Variants in AIG1 observed in about 807,000 individuals in gnomAD.
The protein encoded by AIG1 is androgen induced 1.
Under a neutral mutation model 31.4 loss-of-function variants are expected in AIG1, and 23 were observed. The observed-to-expected ratio is 0.73, with a 90% CI of 0.53 to 1.04. The LOEUF (loss-of-function observed/expected upper bound fraction) is 1.04. Ranked by LOEUF, AIG1 falls within the 50% of genes least tolerant of loss-of-function variation. AIG1 has a pLI of 0.00. For synonymous variants in AIG1, 100 were observed against 110.5 expected, an observed-to-expected ratio of 0.90 and a Z score of 0.60; for missense variants, 274 against 295.0, an observed-to-expected ratio of 0.93 and a Z score of 0.52.
At chr6:143,189,897 A>G (rs1789629683) in intron 3 of AIG1, 11 of 863,146 alleles carry the variant, frequency 1.3e-5, no homozygotes, top group South Asian at 5.3e-5. Flanking sequence ...TTTATTTATC[A>G]TAGTTCTAGA....
intron 2 of AIG1, among the ~76,000 whole-genome samples, chr6:143,154,772 G>A (rs1785565656): frequency 6.6e-6 from 1 of 151,882 alleles, no homozygotes; most frequent in South Asian, 2.1e-4. Flanking sequence ...AGGATACACA[G>A]GAACACTGTG....
At chr6:143,174,470 G>A (rs1239905473) in intron 3 of AIG1, among the ~76,000 whole-genome samples, 8 of 133,176 alleles carry the variant, frequency 6.0e-5, no homozygotes, top group Admixed American at 1.6e-4. Context: ...CTGGGTGACA[G>A]AGTGAGACTC....
Position 143,334,518 on chromosome 6 carries a change from C to T in AIG1, c.679+1073C>T, listed in dbSNP as rs1169704547. 6.6e-6 allele frequency among the ~76,000 whole-genome samples: 1 copy of T among 152,198 alleles called. No individual in the cohort carries two copies. Among genetic ancestry groups the T allele is most frequent in the African/African-American group, 2.4e-5 (1 of 41,460 alleles). On this transcript the variant is annotated intron_variant, in intron 5 of 5. Transcript: ENST00000357847. The surrounding 1 kb of genome is among the most constrained non-coding windows in gnomAD (Gnocchi z 5.1). ...AGAGGAATTTGAGGGTTTCTTTTCTCATCAGCTTTTGATTTTAATCAATGT... is the reference window on the plus strand; with the variant it reads ...AGAGGAATTTGAGGGTTTCTTTTCTTATCAGCTTTTGATTTTAATCAATGT...
chr6:143,340,347 G>C lies in AIG1; in HGVS notation c.*671G>C, dbSNP rs1777806674. Reference sequence around the variant, plus strand: ...GCATCTCAAAATCCTAACAGCATTAGTATCTCCTTTTCATTTTTATTACCT... The same window carrying C: ...GCATCTCAAAATCCTAACAGCATTACTATCTCCTTTTCATTTTTATTACCT... On this transcript the variant is annotated 3_prime_UTR_variant, in exon 6 of 6. Coordinates refer to ENST00000357847, the MANE Select transcript of AIG1 (RefSeq NM_016108.4). The C allele has an allele frequency of 1.3e-5, 2 of 152,174 alleles. No individual in the cohort carries two copies. The highest frequency in any genetic ancestry group is 6.5e-5 in the Admixed American group (1 of 15,274). 9.4% of individuals were successfully genotyped at this position (152,174 alleles called of 1,614,324 possible). A position where few individuals can be genotyped will look rare whatever the true frequency, so the allele number is the denominator to read the frequency against.
intron 3 of AIG1, among the ~76,000 whole-genome samples, chr6:143,263,139 C>G (rs9403474): frequency 0.01 from 1,564 of 152,258 alleles, 43 homozygotes; most frequent in East Asian, 0.064. Context: ...TGTCTTTGGC[C>G]TTTCCCCAGT....
chr6:143,324,382 G>A (rs1016368636), intron 4 of AIG1, among the ~76,000 whole-genome samples: 3 of 152,186 alleles, frequency 2.0e-5, no homozygotes, highest in African/African-American at 2.4e-5. Flanking sequence ...TCTATAATGA[G>A]CATGAATTAC....
chr6:143,144,513 G>A (rs1784555106), intron 2 of AIG1, among the ~76,000 whole-genome samples: 1 of 152,196 alleles, frequency 6.6e-6, no homozygotes, highest in African/African-American at 2.4e-5. Flanking sequence ...GGGAGGTCCT[G>A]AAAGACTTCT....
intron 5 of AIG1, chr6:143,337,929 C>A: frequency 2.5e-6 from 1 of 398,696 alleles, no homozygotes; most frequent in South Asian, 1.3e-4. Context: ...ATCTCTGGTT[C>A]TTGCAAACAT....
Position 143,293,667 on chromosome 6 carries a change from A to G in AIG1, c.515+9442A>G, listed in dbSNP as rs979998717. Among the ~76,000 whole-genome samples the G allele has an allele frequency of 1.3e-5, 2 of 152,192 alleles. No individual in the cohort carries two copies. The highest frequency in any genetic ancestry group is 2.9e-5 in the Non-Finnish European group (2 of 68,040). On this transcript the variant is annotated intron_variant, in intron 4 of 5. Transcript: ENST00000357847. This position sits in a 1 kb window ranked among gnomAD's most constrained non-coding sequence, Gnocchi z 4.8. ...TGAGTTTTTTGTTCTCCTACCCCCAACAGCTGGTTCTCAGACATTCTGGGA... is the reference window on the plus strand; with the variant it reads ...TGAGTTTTTTGTTCTCCTACCCCCAGCAGCTGGTTCTCAGACATTCTGGGA...
chr6:143,187,755 G>C (rs1789402087), intron 3 of AIG1: 2 of 1,530,750 alleles, frequency 1.3e-6, no homozygotes, highest in Non-Finnish European at 1.7e-6. Flanking sequence ...CATGCATGCT[G>C]CTCTGCACAA....
At chr6:143,192,403 A>C (rs1789867473) in intron 3 of AIG1, among the ~76,000 whole-genome samples, 1 of 152,134 alleles carries the variant, frequency 6.6e-6, no homozygotes, top group Non-Finnish European at 1.5e-5. Flanking sequence ...TCAGGAGTTC[A>C]AGCCCAGCCT....
At chr6:143,296,076 C>G (rs754166701) in intron 4 of AIG1, among the ~76,000 whole-genome samples, 2 of 152,022 alleles carry the variant, frequency 1.3e-5, no homozygotes, top group African/African-American at 4.8e-5. Context: ...CACCCACACA[C>G]GCACACACAT....
At chr6:143,107,290 A>G (rs949215881) in intron 1 of AIG1, among the ~76,000 whole-genome samples, 2 of 152,220 alleles carry the variant, frequency 1.3e-5, no homozygotes, top group African/African-American at 2.4e-5. Flanking sequence ...CACACAAATG[A>G]AGGATATTTT....
chr6:143,132,379 A>G (rs1375105416), intron 1 of AIG1, among the ~76,000 whole-genome samples: 1 of 152,140 alleles, frequency 6.6e-6, no homozygotes, highest in Non-Finnish European at 1.5e-5. Flanking sequence ...TTTCTCCATT[A>G]TAAGACTTAA....
At chr6:143,342,642 T>C (rs1453616829), downstream of AIG1, 6 of 1,190,392 alleles carry the variant, frequency 5.0e-6, no homozygotes, top group African/African-American at 6.0e-5. Flanking sequence ...CAGAGTTATT[T>C]TGATGGCATA....
chr6:143,169,591 T>C (rs1190473473), intron 3 of AIG1, among the ~76,000 whole-genome samples: 1 of 152,070 alleles, frequency 6.6e-6, no homozygotes, highest in African/African-American at 2.4e-5. Flanking sequence ...AGCCTCTCCA[T>C]ACTCTCCCCT....
At chr6:143,343,196 G>T (rs761678534), downstream of AIG1, 2 of 703,100 alleles carry the variant, frequency 2.8e-6, no homozygotes, top group East Asian at 2.7e-5. Context: ...TTAACGCCAC[G>T]GATATGGCAG....
At chr6:143,307,991 G>T (rs1799475128) in intron 4 of AIG1, among the ~76,000 whole-genome samples, 1 of 152,218 alleles carries the variant, frequency 6.6e-6, no homozygotes, top group Non-Finnish European at 1.5e-5. Flanking sequence ...AGAATCCATG[G>T]GCATAGGACC....
At chr6:143,080,796 T>G (rs1232099495) in intron 1 of AIG1, among the ~76,000 whole-genome samples, 1 of 152,020 alleles carries the variant, frequency 6.6e-6, no homozygotes, top group African/African-American at 2.4e-5. Context: ...GGCTCGAGTG[T>G]GACTTATCCA....
Sources: allele counts gnomAD v4.1 joint callset (sites outside exome capture counted in the v4.1 genomes callset), GRCh38; gene constraint gnomAD v4.1.1; non-coding constraint Gnocchi (gnomAD v3.1); transcripts MANE v1.5; gene names NCBI Gene and HGNC (gene_info 2026-07-23, HGNC 2026-07-21).